ITFG1: variants seen among roughly 807,000 people sequenced by gnomAD.
ITFG1 encodes T-cell immunomodulatory protein.
ITFG1 carries 34 observed loss-of-function variants against 81.8 expected under a neutral mutation model. That is an observed-to-expected ratio of 0.42 (90% confidence interval 0.32 to 0.55). ITFG1 has a LOEUF of 0.55. ITFG1 is among the 20% of genes least tolerant of loss of function. The probability of loss-of-function intolerance (pLI) is 0.17; values close to 1 mark genes in which losing one functional copy is unlikely to be tolerated. For missense variants in ITFG1, 672 were observed against 755.4 expected (o/e 0.89, Z 1.29); for synonymous variants, 285 against 270.6 (o/e 1.05, Z -0.52).
At chr16:47,238,109 T>C (rs913227282) in intron 12 of ITFG1, 101 bp from the exon 13 acceptor site, 2 of 654,394 alleles carry the variant, frequency 3.1e-6, no homozygotes, top group Non-Finnish European at 2.6e-6. Context: ...TATTGATTCA[T>C]AATCACAAGC....
At chr16:47,179,325 C>T (rs1481730654) in intron 14 of ITFG1, among the ~76,000 whole-genome samples, 1 of 152,210 alleles carries the variant, frequency 6.6e-6, no homozygotes, top group Non-Finnish European at 1.5e-5. Context: ...TTGGAACCAA[C>T]CCAAATGTCC....
chr16:47,306,813 G>A (rs1472694502), intron 10 of ITFG1, among the ~76,000 whole-genome samples: 1 of 151,426 alleles, frequency 6.6e-6, no homozygotes, highest in African/African-American at 2.4e-5. Context: ...CGGAGAAAGA[G>A]GCCGGGCGCG....
intron 9 of ITFG1, 116 bp downstream of exon 9, chr16:47,313,613 T>C (rs1042603246): frequency 4.7e-6 from 2 of 424,840 alleles, no homozygotes; most frequent in Non-Finnish European, 8.4e-6. Context: ...AGGAAGTCGG[T>C]AACTTAATTT....
At chr16:47,225,810 C>G (rs1221946908) in intron 13 of ITFG1, among the ~76,000 whole-genome samples, 1 of 151,946 alleles carries the variant, frequency 6.6e-6, no homozygotes, top group South Asian at 2.1e-4. Flanking sequence ...TCTGGCTGAT[C>G]TGAAAGGACA....
At chr16:47,223,883 TC>T (rs1965725441) in intron 13 of ITFG1, among the ~76,000 whole-genome samples, 1 of 152,000 alleles carries the variant, frequency 6.6e-6, no homozygotes, top group South Asian at 2.1e-4. Context: ...TACTATGCAG[TC>T]ATAAAAAATG....
chr16:47,185,217 C>T (rs995855714), intron 14 of ITFG1, among the ~76,000 whole-genome samples: 11 of 152,174 alleles, frequency 7.2e-5, no homozygotes, highest in African/African-American at 2.4e-4. Context: ...TTAGACAGAT[C>T]AGCGAGACAG....
chr16:47,329,211 A>G (rs1567462584), intron 8 of ITFG1, among the ~76,000 whole-genome samples: 1 of 152,174 alleles, frequency 6.6e-6, no homozygotes. Flanking sequence ...TCAAAATGCA[A>G]ATGATTAAAG....
At chr16:47,342,987 A>C (rs1967804788) in intron 8 of ITFG1, among the ~76,000 whole-genome samples, 1 of 152,188 alleles carries the variant, frequency 6.6e-6, no homozygotes, top group African/African-American at 2.4e-5. Flanking sequence ...CAGAAATGGA[A>C]AAGAAGATTC....
At chr16:47,253,084 G>A (rs1052044004) in intron 12 of ITFG1, among the ~76,000 whole-genome samples, 3 of 152,054 alleles carry the variant, frequency 2.0e-5, no homozygotes, top group Non-Finnish European at 4.4e-5. Context: ...TCTCAGCTTG[G>A]AGATGTGTGG....
At chr16:47,316,201 A>G (rs905483902) in intron 8 of ITFG1, among the ~76,000 whole-genome samples, 4 of 152,232 alleles carry the variant, frequency 2.6e-5, no homozygotes, top group Admixed American at 2.6e-4. Context: ...AAGCTTTTAA[A>G]TTGACATATT....
chr16:47,324,854 A>G (rs1019267453), intron 8 of ITFG1, among the ~76,000 whole-genome samples: 1 of 152,172 alleles, frequency 6.6e-6, no homozygotes, highest in African/African-American at 2.4e-5. Context: ...GTGACCTACG[A>G]AGAGACTTAG....
chr16:47,277,433 G>A (rs575000019), intron 10 of ITFG1, among the ~76,000 whole-genome samples: 12 of 152,202 alleles, frequency 7.9e-5, no homozygotes, highest in African/African-American at 2.9e-4. Flanking sequence ...TGCATCCCAC[G>A]AATACTATAT....
intron 4 of ITFG1, among the ~76,000 whole-genome samples, chr16:47,451,703 G>A (rs1969392154): frequency 6.6e-6 from 1 of 152,202 alleles, no homozygotes; most frequent in Non-Finnish European, 1.5e-5. Context: ...CCATGGCAAT[G>A]AGAAGGCATT....
intron 17 of ITFG1, among the ~76,000 whole-genome samples, chr16:47,157,242 G>A (rs539185636): frequency 2.6e-5 from 4 of 152,238 alleles, no homozygotes; most frequent in African/African-American, 9.6e-5. Context: ...GATATCTGAA[G>A]CCATGATTTT....
At chr16:47,194,727 T>C (rs2151518621) in intron 14 of ITFG1, among the ~76,000 whole-genome samples, 1 of 152,190 alleles carries the variant, frequency 6.6e-6, no homozygotes, top group South Asian at 2.1e-4. Context: ...TTTAAAACTT[T>C]ATTTTAAGTT....
chr16:47,320,386 G>C (rs184236291), intron 8 of ITFG1, among the ~76,000 whole-genome samples: 1 of 152,162 alleles, frequency 6.6e-6, no homozygotes, highest in African/African-American at 2.4e-5. Flanking sequence ...ATATAACTCT[G>C]TTTCCCCCAC....
At chr16:47,428,076 G>A (rs1038832543) in intron 6 of ITFG1, among the ~76,000 whole-genome samples, 7 of 152,222 alleles carry the variant, frequency 4.6e-5, no homozygotes, top group Admixed American at 1.3e-4. Context: ...AGAGGTTGCA[G>A]TGAGCTGTGA....
At chr16:47,457,526 AT>A (rs1406139318) in intron 2 of ITFG1, among the ~76,000 whole-genome samples, 2 of 152,140 alleles carry the variant, frequency 1.3e-5, no homozygotes, top group Non-Finnish European at 2.9e-5. Context: ...GTAAAATTTT[AT>A]TTTAAAATAT....
At chr16:47,382,218 T>TA (rs1366106057) in intron 6 of ITFG1, among the ~76,000 whole-genome samples, 3 of 152,196 alleles carry the variant, frequency 2.0e-5, no homozygotes, top group African/African-American at 7.2e-5. Flanking sequence ...AAACCTCTGA[T>TA]AGAGATGATT....
Sources: gnomAD v4.1 joint callset for allele counts (sites outside exome capture counted in the v4.1 genomes callset) on GRCh38, gnomAD v4.1.1 for gene constraint, MANE v1.5 for transcripts, NCBI Gene and HGNC (gene_info 2026-07-23, HGNC 2026-07-21) for gene names.